PSD3: variants seen among roughly 807,000 people sequenced by gnomAD.
PSD3 encodes PH and SEC7 domain-containing protein 3.
In PSD3, 49 loss-of-function variants were observed where a neutral mutation model predicts 105.5. The observed-to-expected ratio is 0.46, with a 90% CI of 0.37 to 0.59. PSD3 has a LOEUF of 0.59. Among genes scored for constraint, PSD3 ranks in the 20% least tolerant of loss-of-function variants. The pLI is 0.00. For synonymous variants in PSD3, 557 were observed against 457.8 expected (o/e 1.22, Z -2.77); for missense variants, 1,561 against 1,263.8 (o/e 1.24, Z -3.57).
upstream of PSD3, among the ~76,000 whole-genome samples, chr8:19,018,354 CT>C (rs765723109): frequency 7.1e-4 from 85 of 119,380 alleles, no homozygotes; most frequent in South Asian, 2.7e-3. Flanking sequence ...ATTAAATGCT[CT>C]TTTTAAAAAA....
At chr8:18,852,515 C>T (rs1815670305) in intron 4 of PSD3, among the ~76,000 whole-genome samples, 1 of 152,174 alleles carries the variant, frequency 6.6e-6, no homozygotes, top group Non-Finnish European at 1.5e-5. Flanking sequence ...AATGCTGCTC[C>T]CCATATTTAT....
chr8:18,888,824 G>A (rs889425057), intron 2 of PSD3, among the ~76,000 whole-genome samples: 10 of 152,118 alleles, frequency 6.6e-5, no homozygotes, highest in Admixed American at 2.0e-4. Flanking sequence ...TTCTAAGACC[G>A]CTCCTTCCAA....
At chr8:18,988,381 G>A (rs1389830618) in intron 1 of PSD3, among the ~76,000 whole-genome samples, 3 of 152,134 alleles carry the variant, frequency 2.0e-5, no homozygotes, top group Non-Finnish European at 4.4e-5. Flanking sequence ...TGTAACAGAT[G>A]AAAATGAGAC....
chr8:18,999,303 A>G (rs1033192630), intron 1 of PSD3, among the ~76,000 whole-genome samples: 3 of 151,922 alleles, frequency 2.0e-5, no homozygotes, highest in Non-Finnish European at 2.9e-5. Flanking sequence ...CCGGGAAGAC[A>G]TGCTGGCTGA....
chr8:18,774,573 G>A (rs1015374539), intron 8 of PSD3: 19 of 331,044 alleles, frequency 5.7e-5, no homozygotes, highest in African/African-American at 1.8e-4. Context: ...TACTTCTGTC[G>A]TTGGTACAGC....
chr8:18,783,250 G>A (rs1202789204), intron 8 of PSD3, among the ~76,000 whole-genome samples: 3 of 152,050 alleles, frequency 2.0e-5, no homozygotes, highest in African/African-American at 7.2e-5. Context: ...TTTCATCTAG[G>A]TTATCTAGCT....
chr8:19,009,384 A>C (rs79063369), intron 1 of PSD3, among the ~76,000 whole-genome samples: 20,718 of 152,142 alleles, frequency 0.14, 1,908 homozygotes, highest in African/African-American at 0.26. Context: ...ACCTGAGTTT[A>C]AAGTCTCAGC....
chr8:18,951,743 G>C (rs1038739554), intron 1 of PSD3, among the ~76,000 whole-genome samples: 1 of 152,086 alleles, frequency 6.6e-6, no homozygotes, highest in Admixed American at 6.6e-5. Context: ...CCAGCACTTT[G>C]GGAGGCCGAG....
In PSD3 at chr8:19,018,803, C is replaced by A. The variant is rs544347228; in HGVS notation, c.324+65403G>T. On this transcript the variant is annotated intron_variant, in intron 1 of 1. Coordinates refer to the PSD3 transcript ENST00000521475. ...CTCATGAGAGTCAGAAGATAAGTTT[C>A]TTTTCTGTTTTGAGACAGAGTCTTG... 6.4e-4 allele frequency among the ~76,000 whole-genome samples: 97 copies of A among 152,262 alleles called. 1 individual carries two copies. The highest frequency in any genetic ancestry group is 1.3e-3 in the Non-Finnish European group (86 of 68,010).
At chr8:18,999,771 A>G (rs1163513194) in intron 1 of PSD3, among the ~76,000 whole-genome samples, 1 of 151,628 alleles carries the variant, frequency 6.6e-6, no homozygotes, top group Non-Finnish European at 1.5e-5. Flanking sequence ...AAATGGAATT[A>G]CCATTATCTT....
At chr8:19,044,358 G>C (rs949714454) in intron 1 of PSD3, among the ~76,000 whole-genome samples, 4 of 152,062 alleles carry the variant, frequency 2.6e-5, no homozygotes, top group African/African-American at 9.7e-5. Context: ...GAGCCAGCCT[G>C]GTGTAATGCA....
At chr8:18,688,664 C>T (rs1800797524) in intron 9 of PSD3, among the ~76,000 whole-genome samples, 1 of 152,120 alleles carries the variant, frequency 6.6e-6, no homozygotes, top group Non-Finnish European at 1.5e-5. Flanking sequence ...TTTCTTCATC[C>T]TACATTATTT....
intron 10 of PSD3, among the ~76,000 whole-genome samples, 153 bp downstream of exon 10, chr8:18,655,489 T>C (rs1808822807): frequency 6.6e-6 from 1 of 152,156 alleles, no homozygotes; most frequent in South Asian, 2.1e-4. Flanking sequence ...TGGGTTTACT[T>C]GTATAAAGCC....
At chr8:18,802,027 T>G (rs2129447427) in intron 6 of PSD3, among the ~76,000 whole-genome samples, 1 of 152,288 alleles carries the variant, frequency 6.6e-6, no homozygotes, top group East Asian at 1.9e-4. Context: ...TTTAAAACTC[T>G]ACACGCATCA....
chr8:18,640,827 G>A (rs1807591310), intron 10 of PSD3, among the ~76,000 whole-genome samples: 1 of 152,156 alleles, frequency 6.6e-6, no homozygotes, highest in Non-Finnish European at 1.5e-5. Flanking sequence ...TGTCTCAAAA[G>A]AGAAACTCGA....
At chr8:18,576,040 A>G (rs573778887) in intron 12 of PSD3, among the ~76,000 whole-genome samples, 1 of 152,224 alleles carries the variant, frequency 6.6e-6, no homozygotes, top group Non-Finnish European at 1.5e-5. Context: ...CACACACCAC[A>G]TCACCTTCTA....
chr8:18,698,399 G>A (rs936261480), intron 9 of PSD3, among the ~76,000 whole-genome samples: 1 of 152,120 alleles, frequency 6.6e-6, no homozygotes, highest in African/African-American at 2.4e-5. Context: ...GATTATAGGT[G>A]CAAGCCATGA....
rs374888737 is a variant in PSD3 at position 18,936,060 on chromosome 8, C to T, written c.104G>A (p.Arg35Lys). 6.2e-7 allele frequency: 1 copy of T among 1,612,770 alleles called. No homozygotes were observed. The highest frequency in any genetic ancestry group is 1.1e-5 in the South Asian group (1 of 91,026). ...AGTATCTGGAGCTTTCCCTTCAGAT[C>T]TGCCAAATAAAAATTCATATTTGGC... ...AKAKYEFLFG[R>K]SEGKAPDTSD... The change falls in exon 2 of 16, where the codon AGA becomes AAA. Residue 35 changes from arginine to lysine, a missense_variant. Transcript: ENST00000327040.
At chr8:19,046,782 G>A (rs1329886527) in intron 1 of PSD3, among the ~76,000 whole-genome samples, 1 of 152,180 alleles carries the variant, frequency 6.6e-6, no homozygotes, top group Non-Finnish European at 1.5e-5. Context: ...AAATACTGTC[G>A]ACACTGCTGA....
Sources: allele counts gnomAD v4.1 joint callset (sites outside exome capture counted in the v4.1 genomes callset), GRCh38; gene constraint gnomAD v4.1.1; transcripts MANE v1.5; gene names NCBI Gene and HGNC (gene_info 2026-07-23, HGNC 2026-07-21).